Variants in ARHGAP26 observed in about 807,000 individuals in gnomAD.
ARHGAP26 encodes Rho GTPase activating protein 26.
Under a neutral mutation model 104.8 loss-of-function variants are expected in ARHGAP26, and 38 were observed. The ratio of observed to expected loss-of-function variants is 0.36; its 90% CI spans 0.28 to 0.48. ARHGAP26 has a LOEUF of 0.48. Ranked by LOEUF, ARHGAP26 falls within the 20% of genes least tolerant of loss-of-function variation. The pLI is 0.99. For missense variants in ARHGAP26, 704 were observed against 947.9 expected, an observed-to-expected ratio of 0.74 and a Z score of 3.38; for synonymous variants, 341 against 340.0, an observed-to-expected ratio of 1.00 and a Z score of -0.03.
chr5:143,161,752 G>T (rs931425969), intron 20 of ARHGAP26, among the ~76,000 whole-genome samples: 2 of 152,206 alleles, frequency 1.3e-5, no homozygotes, highest in African/African-American at 4.8e-5. Context: ...AGCTTCTGTT[G>T]TAAGGGTAGA....
At chr5:143,113,361 G>A (rs183840459) in intron 17 of ARHGAP26, among the ~76,000 whole-genome samples, 2 of 152,310 alleles carry the variant, frequency 1.3e-5, no homozygotes, top group East Asian at 3.9e-4. Context: ...ATGTAGCCAT[G>A]TGTTTCCCCA....
At chr5:143,068,751 A>T (rs895031990) in intron 17 of ARHGAP26, among the ~76,000 whole-genome samples, 1 of 152,094 alleles carries the variant, frequency 6.6e-6, no homozygotes, top group Non-Finnish European at 1.5e-5. Flanking sequence ...TCCCAGAAGA[A>T]CTCAAATAGT....
At chr5:143,184,208 T>C (rs1380816601) in intron 20 of ARHGAP26, among the ~76,000 whole-genome samples, 1 of 152,168 alleles carries the variant, frequency 6.6e-6, no homozygotes, top group African/African-American at 2.4e-5. Flanking sequence ...ATCTGCCAAG[T>C]CTGAAATGCC....
intron 17 of ARHGAP26, among the ~76,000 whole-genome samples, chr5:143,084,825 T>A (rs1322171555): frequency 6.6e-6 from 1 of 152,056 alleles, no homozygotes; most frequent in Non-Finnish European, 1.5e-5. Context: ...GGTGGAAAGA[T>A]CACGTGGTCA....
rs574784543 is a variant in ARHGAP26 at position 142,964,764 on chromosome 5, G to T, written c.1107+32639G>T. ...ATCACCTGAAATTATCTCTTGCACG[G>T]TAGCCTGTAGGGGCCAGCCTCACAG... is the stretch of plus-strand genomic sequence containing the variant. On this transcript the variant is annotated intron_variant, in intron 11 of 22. Coordinates refer to ENST00000645722, the MANE Select transcript of ARHGAP26 (RefSeq NM_001135608.3). Among the ~76,000 whole-genome samples the T allele has an allele frequency of 8.5e-5, 13 of 152,256 alleles. No individual in the cohort carries two copies. In the East Asian group the frequency reaches 2.5e-3, roughly 29 times the overall value.
chr5:143,184,347 C>T (rs3776234), intron 20 of ARHGAP26, among the ~76,000 whole-genome samples: 8 of 152,050 alleles, frequency 5.3e-5, no homozygotes, highest in African/African-American at 1.4e-4. Context: ...TTGTCTCTCC[C>T]GTAAAAACAT....
At chr5:142,999,069 A>G (rs1462984635) in intron 11 of ARHGAP26, among the ~76,000 whole-genome samples, 2 of 152,234 alleles carry the variant, frequency 1.3e-5, no homozygotes, top group Non-Finnish European at 2.9e-5. Flanking sequence ...ATTAAAAATT[A>G]TAGGGACTAA....
At position 142,971,292 on chromosome 5, in the gene ARHGAP26, G is replaced by A. The variant is rs1772235139; in HGVS notation, c.1107+39167G>A. Among the ~76,000 whole-genome samples, 3 of 152,180 alleles carry A rather than the reference G, an allele frequency of 2.0e-5. No homozygotes were observed. The South Asian group carries it at 6.2e-4, about 32-fold the overall frequency. On this transcript the variant is annotated intron_variant, in intron 11 of 22. Transcript: ENST00000645722. ...TGGGGCAGAATAACCATGGTTATAAGTAAATAAAACTAGCATGCTTTTGAA... is the reference window on the plus strand; with the variant it reads ...TGGGGCAGAATAACCATGGTTATAAATAAATAAAACTAGCATGCTTTTGAA...
intron 3 of ARHGAP26, among the ~76,000 whole-genome samples, chr5:142,878,428 C>T (rs187808245): frequency 3.2e-4 from 48 of 152,260 alleles, no homozygotes; most frequent in Admixed American, 1.2e-3. Flanking sequence ...TTCATTTAGT[C>T]GTTCAAATAT....
chr5:143,127,898 A>G (rs981245267), intron 18 of ARHGAP26, among the ~76,000 whole-genome samples: 4 of 152,220 alleles, frequency 2.6e-5, no homozygotes, highest in African/African-American at 7.2e-5. Flanking sequence ...CACTATGTTG[A>G]AATAGTCATT....
At chr5:142,826,613 A>G (rs1561908590) in intron 1 of ARHGAP26, among the ~76,000 whole-genome samples, 1 of 152,198 alleles carries the variant, frequency 6.6e-6, no homozygotes, top group Non-Finnish European at 1.5e-5. Context: ...ACTTGTCGCC[A>G]CACCATGTTC....
At chr5:142,858,061 CTGTGTGTG>C (rs746146391) in intron 1 of ARHGAP26, among the ~76,000 whole-genome samples, 138 of 134,406 alleles carry the variant, frequency 1.0e-3, no homozygotes, top group African/African-American at 3.5e-3. Context: ...GAGAGAGAAT[CTGTGTGTG>C]TGTGTGTGTG....
At chr5:143,092,397 C>T (rs941480944) in intron 17 of ARHGAP26, among the ~76,000 whole-genome samples, 2 of 152,138 alleles carry the variant, frequency 1.3e-5, no homozygotes, top group African/African-American at 4.8e-5. Flanking sequence ...ATCTCCTGAC[C>T]TCGTGATCCG....
intron 20 of ARHGAP26, among the ~76,000 whole-genome samples, chr5:143,175,236 C>T (rs1803306004): frequency 1.3e-5 from 2 of 152,154 alleles, no homozygotes; most frequent in Non-Finnish European, 2.9e-5. Flanking sequence ...GTCAGGCTTG[C>T]AGCTGGCAGA....
intron 7 of ARHGAP26, 114 bp from the exon 8 acceptor site, chr5:142,903,426 G>A (rs1245966994): frequency 2.5e-6 from 3 of 1,195,948 alleles, no homozygotes; most frequent in Admixed American, 5.1e-5. Context: ...CCAGTTCCTG[G>A]AAGGTTGAAT....
At chr5:142,789,856 A>G (rs899835094) in intron 1 of ARHGAP26, among the ~76,000 whole-genome samples, 2 of 152,084 alleles carry the variant, frequency 1.3e-5, no homozygotes, top group African/African-American at 4.8e-5. Context: ...TTCCTTATGT[A>G]TCCAGGACCA....
intron 17 of ARHGAP26, among the ~76,000 whole-genome samples, chr5:143,101,915 G>C (rs1194635696): frequency 2.6e-5 from 4 of 151,026 alleles, no homozygotes; most frequent in Non-Finnish European, 5.9e-5. Flanking sequence ...AAAGGGGGAA[G>C]CAGCTACTAT....
At chr5:143,121,333 G>A (rs1033394607) in intron 18 of ARHGAP26, among the ~76,000 whole-genome samples, 186 bp downstream of exon 18, 6 of 152,190 alleles carry the variant, frequency 3.9e-5, no homozygotes, top group East Asian at 1.9e-4. Flanking sequence ...GGTGTCAACC[G>A]TGGTAGTTAC....
In ARHGAP26 at chr5:142,770,671, C is replaced by A; in HGVS notation, c.-91C>A. 3 of 963,622 alleles carry A rather than the reference C, an allele frequency of 3.1e-6. No homozygotes were observed. The highest frequency in any genetic ancestry group is 4.8e-5 in the South Asian group (1 of 20,934). 59.7% of individuals were successfully genotyped at this position (963,622 alleles called of 1,614,324 possible). On this transcript the variant is annotated 5_prime_UTR_variant, in exon 1 of 23. Coordinates refer to ENST00000645722, the MANE Select transcript of ARHGAP26 (RefSeq NM_001135608.3). ...GTGGAGCCGGCGGCCGTCGGGGGAG[C>A]CGGCCGGGGTCCCGCCGCGTGAGTG...
Sources: gnomAD v4.1 joint callset for allele counts (sites outside exome capture counted in the v4.1 genomes callset) on GRCh38, gnomAD v4.1.1 for gene constraint, MANE v1.5 for transcripts, NCBI Gene and HGNC (gene_info 2026-07-23, HGNC 2026-07-21) for gene names.